VPS13C: variants seen among roughly 807,000 people sequenced by gnomAD.
The protein encoded by VPS13C is vacuolar protein sorting 13 homolog C.
Under a neutral mutation model 456.8 loss-of-function variants are expected in VPS13C, and 358 were observed. That is an observed-to-expected ratio of 0.78 (90% CI 0.72 to 0.86). VPS13C has a LOEUF of 0.86. Among genes scored for constraint, VPS13C ranks in the 40% least tolerant of loss-of-function variants. VPS13C has a pLI of 0.00. For missense variants in VPS13C, 4,818 were observed against 4,385.4 expected (o/e 1.10, Z -2.79); for synonymous variants, 1,578 against 1,486.7 (o/e 1.06, Z -1.41).
At chr15:61,919,690 A>T (rs575634260) in intron 57 of VPS13C, among the ~76,000 whole-genome samples, 2 of 151,700 alleles carry the variant, frequency 1.3e-5, no homozygotes, top group South Asian at 2.1e-4. Context: ...CTTATTTCTT[A>T]TTCTCTCAAT....
intron 68 of VPS13C, among the ~76,000 whole-genome samples, chr15:61,883,130 C>T (rs150550440): frequency 6.6e-6 from 1 of 151,836 alleles, no homozygotes; most frequent in Non-Finnish European, 1.5e-5. Context: ...TCAAGTGATA[C>T]TCCTGCCTCA....
chr15:61,899,369 A>G (rs2042927513), intron 66 of VPS13C, among the ~76,000 whole-genome samples: 1 of 149,354 alleles, frequency 6.7e-6, no homozygotes, highest in South Asian at 2.2e-4. Flanking sequence ...AGACTAATAA[A>G]GAAAAAAAGA....
intron 63 of VPS13C, among the ~76,000 whole-genome samples, chr15:61,911,591 A>C (rs981906046): frequency 1.3e-5 from 2 of 152,198 alleles, no homozygotes; most frequent in African/African-American, 2.4e-5. Flanking sequence ...TTTACAGTAC[A>C]TAGCTACGTT....
At position 61,974,495 on chromosome 15, in the gene VPS13C, G is replaced by A. The variant is rs865963667; in HGVS notation, c.2409-78C>T. 1.9e-5 allele frequency: 28 copies of A among 1,448,954 alleles called. No individual in the cohort carries two copies. In the Middle Eastern group the frequency reaches 1.1e-3, roughly 56 times the overall value. 89.8% of individuals were successfully genotyped at this position (1,448,954 alleles called of 1,614,324 possible). On this transcript the variant is annotated intron_variant, in intron 24 of 84. Transcript: ENST00000644861. ...GGAAAGAATTGCATTAATGTAATTA[G>A]ATTAAAACATGCCTAAACTTTTGAC...
chr15:61,972,958 A>T (rs2045599262), intron 26 of VPS13C, among the ~76,000 whole-genome samples, 194 bp from the exon 27 acceptor site: 3 of 152,176 alleles, frequency 2.0e-5, no homozygotes, highest in Admixed American at 1.3e-4. Context: ...TTTGAAATCA[A>T]ATAGCACTAT....
intron 43 of VPS13C, among the ~76,000 whole-genome samples, chr15:61,946,785 G>A (rs1277648423): frequency 6.6e-6 from 1 of 151,934 alleles, no homozygotes; most frequent in East Asian, 1.9e-4. Flanking sequence ...GTTAAACAGT[G>A]ATCTTACAAA....
intron 66 of VPS13C, among the ~76,000 whole-genome samples, chr15:61,897,524 A>C (rs1033378156): frequency 6.6e-5 from 10 of 152,204 alleles, no homozygotes; most frequent in Admixed American, 5.2e-4. Context: ...GAAATGAATG[A>C]TATGAAGCGA....
At chr15:62,048,923 A>G (rs1284780002) in intron 1 of VPS13C, among the ~76,000 whole-genome samples, 1 of 151,870 alleles carries the variant, frequency 6.6e-6, no homozygotes, top group Non-Finnish European at 1.5e-5. Flanking sequence ...GTCTGTTCAT[A>G]TCCTTTGCCC....
chr15:61,866,107 T>G, intron 81 of VPS13C: 1 of 984,886 alleles, frequency 1.0e-6, no homozygotes. Flanking sequence ...TCAATAAATA[T>G]TTTTACCCAA....
intron 46 of VPS13C, 142 bp from the exon 47 acceptor site, chr15:61,940,936 C>G (rs2044399615): frequency 1.2e-6 from 1 of 851,956 alleles, no homozygotes; most frequent in African/African-American, 1.7e-5. Flanking sequence ...CACTTCTTTT[C>G]ACATTTTTAA....
intron 81 of VPS13C, chr15:61,866,215 C>T (rs994494665): frequency 1.0e-6 from 1 of 984,910 alleles, no homozygotes; most frequent in Non-Finnish European, 1.2e-6. Flanking sequence ...CTACCAAGTC[C>T]TCTCATTAGT....
intron 35 of VPS13C, among the ~76,000 whole-genome samples, chr15:61,961,297 C>A (rs1451909224): frequency 6.6e-6 from 1 of 151,432 alleles, no homozygotes; most frequent in African/African-American, 2.4e-5. Context: ...GAGGCTGAGG[C>A]AGGAGGATTG....
At chr15:62,050,507 A>T (rs1055727902) in intron 1 of VPS13C, among the ~76,000 whole-genome samples, 1 of 152,234 alleles carries the variant, frequency 6.6e-6, no homozygotes, top group African/African-American at 2.4e-5. Flanking sequence ...GAAATATACT[A>T]AAAGGGCCAG....
At position 61,873,407 on chromosome 15, in the gene VPS13C, C is replaced by G; in HGVS notation, c.10417G>C (p.Gly3473Arg). The G allele has an allele frequency of 5.6e-6, 9 of 1,613,204 alleles. No homozygotes were observed. The highest frequency in any genetic ancestry group is 7.6e-6 in the Non-Finnish European group (9 of 1,179,524). ...VRSLFGHTVG[G>R]AAGVVSRITG... ...ATTCGAGATACAACTCCTGCTGCAC[C>G]ACCTATCAAAGACAAGGGATTAATT... The change falls in exon 78 of 85, where the codon GGT becomes CGT. Residue 3473 changes from glycine (G) to arginine (R), a missense_variant and splice_region_variant. Gly to Arg is a moderately radical substitution (Grantham distance 125). Transcript: ENST00000644861.
chr15:62,019,064 T>C (rs1241057207), intron 9 of VPS13C, among the ~76,000 whole-genome samples: 2 of 152,172 alleles, frequency 1.3e-5, no homozygotes, highest in African/African-American at 4.8e-5. Flanking sequence ...GATTTTCTAG[T>C]TTATTTGCGT....
chr15:61,972,012 T>C (rs1423804233), intron 27 of VPS13C, among the ~76,000 whole-genome samples: 2 of 152,162 alleles, frequency 1.3e-5, no homozygotes, highest in Non-Finnish European at 2.9e-5. Context: ...CATGTAAAAG[T>C]AAGCAGGCAT....
Position 61,982,496 on chromosome 15 carries a change from C to T in VPS13C, c.1992G>A (p.Leu664=), listed in dbSNP as rs2045917029. ...LDLEQITSAT[L]MKLEEIKERT... is the part of the protein sequence containing the mutation. ...TCTCCTTAATTTCTTCCAGCTTCATCAATGTTGCTGATGTTATTTGCTCAA... is the reference window on the plus strand; with the variant it reads ...TCTCCTTAATTTCTTCCAGCTTCATTAATGTTGCTGATGTTATTTGCTCAA... Residue 664 remains leucine, a synonymous_variant, in exon 21 of 85, where the codon TTG becomes TTA. Transcript: ENST00000644861. 27 of 1,608,956 alleles carry T rather than the reference C, an allele frequency of 1.7e-5. No individual in the cohort carries two copies. Among genetic ancestry groups the T allele is most frequent in the Middle Eastern group, 1.6e-4 (1 of 6,072 alleles).
chr15:62,012,541 C>A, intron 11 of VPS13C, among the ~76,000 whole-genome samples: 1 of 151,844 alleles, frequency 6.6e-6, no homozygotes, highest in East Asian at 1.9e-4. Flanking sequence ...TTATCCAGTT[C>A]TAAAAATTGA....
At chr15:61,967,331 G>A in intron 29 of VPS13C, 37 bp downstream of exon 29, 1 of 1,528,798 alleles carries the variant, frequency 6.5e-7, no homozygotes, top group Non-Finnish European at 9.0e-7. Context: ...ATAGTTTGGA[G>A]TAAACAATAA....
Sources: gnomAD v4.1 joint callset for allele counts (sites outside exome capture counted in the v4.1 genomes callset) on GRCh38, gnomAD v4.1.1 for gene constraint, MANE v1.5 for transcripts, NCBI Gene and HGNC (gene_info 2026-07-23, HGNC 2026-07-21) for gene names.